MALRD1: variants seen among roughly 807,000 people sequenced by gnomAD.
MALRD1 encodes the protein MAM and LDL-receptor class A domain-containing protein 1.
MALRD1 carries 247 observed loss-of-function variants against 242.1 expected under a neutral mutation model. The observed-to-expected ratio is 1.02, with a 90% CI of 0.92 to 1.13. The LOEUF (loss-of-function observed/expected upper bound fraction) is 1.13, where lower values mean the gene tolerates loss of function less well. Among genes scored for constraint, MALRD1 ranks in the 50% most tolerant of loss-of-function variants. MALRD1 has a pLI of 0.00. For missense variants in MALRD1, 2,989 were observed against 2,533.1 expected (o/e 1.18, Z -3.86); for synonymous variants, 995 against 866.6 (o/e 1.15, Z -2.60).
chr10:19,136,850 C>G, intron 10 of MALRD1, 69 bp downstream of exon 10: 9 of 1,081,672 alleles, frequency 8.3e-6, no homozygotes, highest in Non-Finnish European at 9.4e-6. Flanking sequence ...TTAAAACAGT[C>G]TTTGTTTCTA....
chr10:19,288,861 C>T (rs1179967778), intron 21 of MALRD1, among the ~76,000 whole-genome samples: 1 of 152,104 alleles, frequency 6.6e-6, no homozygotes, highest in African/African-American at 2.4e-5. Flanking sequence ...CTAATGGTGT[C>T]TCTGCTGCTC....
At chr10:19,363,662 A>C in intron 26 of MALRD1, among the ~76,000 whole-genome samples, 1 of 152,166 alleles carries the variant, frequency 6.6e-6, no homozygotes, top group Non-Finnish European at 1.5e-5. Flanking sequence ...GAGAGAAGGC[A>C]ATAAATAAGA....
chr10:19,607,894 G>T lies in MALRD1; in HGVS notation c.6062G>T (p.Ser2021Ile). Residue 2021 changes from serine to isoleucine, a missense_variant, in exon 35 of 40, where the codon AGC (serine) becomes ATC (isoleucine). Transcript: ENST00000454679. ...ATGGATTTCCAGCTTGATGAGTCCA[G>T]CTGCTCCGGTACCCCATTTCCATTC... ...DCMDFQLDES[S>I]CSECPLNYCR... 1 of 1,549,670 alleles carries T rather than the reference G, an allele frequency of 6.5e-7. No individual in the cohort carries two copies.
chr10:19,136,745 T>C lies in MALRD1; in HGVS notation c.1375T>C (p.Cys459Arg). Reference sequence around the variant, plus strand: ...ATCTGTCTGTGACTCTCGGCAGGACTGCTCCGATGAGAGTGATGAAGACCC... The same window carrying C: ...ATCTGTCTGTGACTCTCGGCAGGACCGCTCCGATGAGAGTGATGAAGACCC... The part of the protein sequence containing the change: ...KESVCDSRQD[C>R]SDESDEDPAT... The change falls in exon 10 of 40, where the codon TGC becomes CGC. Residue 459 changes from cysteine to arginine, a missense_variant. Coordinates refer to ENST00000454679, the MANE Select transcript of MALRD1 (RefSeq NM_001142308.3). 2 of 1,231,668 alleles carry C rather than the reference T, an allele frequency of 1.6e-6. No individual in the cohort carries two copies. The highest frequency in any genetic ancestry group is 2.0e-6 in the Non-Finnish European group (2 of 987,954). The allele number at this position is 1,231,668 out of a possible 1,614,324, so 76.3% of individuals were successfully genotyped here.
At chr10:19,240,565 T>C (rs1838718050) in intron 18 of MALRD1, among the ~76,000 whole-genome samples, 1 of 152,140 alleles carries the variant, frequency 6.6e-6, no homozygotes, top group Non-Finnish European at 1.5e-5. Context: ...TATTTATTTC[T>C]TTTGTCTAAT....
chr10:19,692,886 T>TATATAA (rs373717863), intron 38 of MALRD1, among the ~76,000 whole-genome samples: 5,681 of 136,768 alleles, frequency 0.042, 394 homozygotes, highest in African/African-American at 0.13. Context: ...TATATATATA[T>TATATAA]AATTTCATCC....
intron 36 of MALRD1, among the ~76,000 whole-genome samples, chr10:19,644,795 C>A (rs1186284843): frequency 6.6e-6 from 1 of 152,140 alleles, no homozygotes; most frequent in Non-Finnish European, 1.5e-5. Context: ...TAAAGTCATG[C>A]AGCTAACAAG....
chr10:19,340,030 G>C (rs1180087723), intron 24 of MALRD1, among the ~76,000 whole-genome samples: 4 of 152,076 alleles, frequency 2.6e-5, no homozygotes, highest in Non-Finnish European at 5.9e-5. Flanking sequence ...ACTGTCATAA[G>C]AACAGCATGA....
At chr10:19,593,024 T>C (rs1181937763) in intron 33 of MALRD1, among the ~76,000 whole-genome samples, 2 of 151,928 alleles carry the variant, frequency 1.3e-5, no homozygotes, top group Middle Eastern at 3.4e-3. Flanking sequence ...AAAAAAAGAA[T>C]TTCTGTACTT....
intron 33 of MALRD1, among the ~76,000 whole-genome samples, chr10:19,578,213 A>G (rs1564454344): frequency 6.6e-6 from 1 of 152,138 alleles, no homozygotes; most frequent in Non-Finnish European, 1.5e-5. Flanking sequence ...TTTGTTTTGC[A>G]GTAGCATCTT....
At chr10:19,655,060 C>A (rs1404655267) in intron 36 of MALRD1, among the ~76,000 whole-genome samples, 1 of 152,178 alleles carries the variant, frequency 6.6e-6, no homozygotes, top group Non-Finnish European at 1.5e-5. Flanking sequence ...ATACTTTGCC[C>A]TGTTCTATGG....
chr10:19,452,738 T>G (rs1159702187), intron 29 of MALRD1, among the ~76,000 whole-genome samples: 1 of 152,094 alleles, frequency 6.6e-6, no homozygotes, highest in Non-Finnish European at 1.5e-5. Context: ...GAGCTTAGAG[T>G]GTAAGTTACA....
At chr10:19,597,507 A>G (rs1241272192) in intron 34 of MALRD1, among the ~76,000 whole-genome samples, 1 of 152,210 alleles carries the variant, frequency 6.6e-6, no homozygotes, top group Non-Finnish European at 1.5e-5. Flanking sequence ...CAATTCACCA[A>G]ACATTTGAAG....
chr10:19,329,982 A>C (rs1564567711), intron 23 of MALRD1, among the ~76,000 whole-genome samples: 3 of 152,190 alleles, frequency 2.0e-5, no homozygotes. Context: ...TTCACAGAGC[A>C]TTGCAGCATA....
intron 26 of MALRD1, among the ~76,000 whole-genome samples, chr10:19,382,199 A>G (rs1845865513): frequency 6.6e-6 from 1 of 152,178 alleles, no homozygotes; most frequent in Admixed American, 6.6e-5. Flanking sequence ...ACTCTAGATC[A>G]TCCTCACAGT....
chr10:19,121,072 C>G (rs1322781922), intron 5 of MALRD1, among the ~76,000 whole-genome samples: 1 of 111,254 alleles, frequency 9.0e-6, no homozygotes, highest in Non-Finnish European at 1.7e-5. Context: ...GAGTTGGACT[C>G]TCACTCTGTT....
intron 36 of MALRD1, among the ~76,000 whole-genome samples, chr10:19,645,575 G>T (rs1008201302): frequency 8.5e-5 from 13 of 152,162 alleles, no homozygotes; most frequent in African/African-American, 3.1e-4. Context: ...CATGTCCTTT[G>T]TAGGGACATG....
Position 19,136,750 on chromosome 10 carries a change from C to T in MALRD1, c.1380C>T (p.Ser460=), listed in dbSNP as rs532269439. 11 of 1,231,602 alleles carry T rather than the reference C, an allele frequency of 8.9e-6. No homozygotes were observed. The South Asian group carries it at 2.5e-4, about 28-fold the overall frequency. 76.3% of individuals were successfully genotyped at this position (1,231,602 alleles called of 1,614,324 possible). A position where few individuals can be genotyped will look rare whatever the true frequency, so the allele number is the denominator to read the frequency against. The part of the protein sequence containing the change: ...ESVCDSRQDC[S]DESDEDPATC... ...TCTGTGACTCTCGGCAGGACTGCTC[C>T]GATGAGAGTGATGAAGACCCAGCAA... Residue 460 remains serine (S), a synonymous_variant, in exon 10 of 40, where the codon TCC becomes TCT. Coordinates refer to ENST00000454679, the MANE Select transcript of MALRD1 (RefSeq NM_001142308.3).
chr10:19,261,103 A>G (rs961160814), intron 19 of MALRD1, among the ~76,000 whole-genome samples: 1 of 152,156 alleles, frequency 6.6e-6, no homozygotes, highest in African/African-American at 2.4e-5. Flanking sequence ...AAGAACACAG[A>G]AAAGAAACAC....
Sources: allele counts gnomAD v4.1 joint callset (sites outside exome capture counted in the v4.1 genomes callset), GRCh38; gene constraint gnomAD v4.1.1; transcripts MANE v1.5; gene names NCBI Gene and HGNC (gene_info 2026-07-23, HGNC 2026-07-21).